The following PPARGC1A variants were observed in gnomAD, a reference collection of about 807,000 sequenced individuals.
PPARGC1A encodes the protein peroxisome proliferator-activated receptor gamma coactivator 1-alpha.
PPARGC1A carries 25 observed loss-of-function variants against 88.7 expected under a neutral mutation model. The observed-to-expected ratio is 0.28, with a 90% CI of 0.21 to 0.39. The LOEUF (loss-of-function observed/expected upper bound fraction) is 0.39. Among genes scored for constraint, PPARGC1A ranks in the 10% least tolerant of loss-of-function variants. The pLI, the probability that PPARGC1A is intolerant of heterozygous loss-of-function variation, is 1.00. For missense variants in PPARGC1A, 880 were observed against 968.7 expected (o/e 0.91, Z 1.22); for synonymous variants, 363 against 355.6 (o/e 1.02, Z -0.24).
chr4:24,079,440 C>T, the PPARGC1A span, among the ~76,000 whole-genome samples: 3 of 151,614 alleles, frequency 2.0e-5, no homozygotes, highest in South Asian at 6.2e-4. Flanking sequence ...GGACCCAGCT[C>T]ATTGTTTTCC....
At chr4:24,287,634 G>GCACACACACACACACACA in the PPARGC1A span, among the ~76,000 whole-genome samples, 10 of 142,142 alleles carry the variant, frequency 7.0e-5, no homozygotes, top group African/African-American at 1.8e-4. Context: ...AACACCACAT[G>GCACACACACACACACACA]CACACACACA....
the PPARGC1A span, among the ~76,000 whole-genome samples, chr4:23,992,380 T>C: frequency 2.0e-5 from 3 of 151,994 alleles, no homozygotes; most frequent in African/African-American, 4.8e-5. Context: ...TCTGTTTTTA[T>C]TGCATGCCAA....
At chr4:23,945,211 C>A in the PPARGC1A span, among the ~76,000 whole-genome samples, 1 of 151,886 alleles carries the variant, frequency 6.6e-6, no homozygotes, top group African/African-American at 2.4e-5. Context: ...ACAATATTTG[C>A]CATTTTAAGA....
chr4:24,091,738 C>G, the PPARGC1A span: 1 of 666,856 alleles, frequency 1.5e-6, no homozygotes. Flanking sequence ...CAGATGCCAA[C>G]TGGCCAAGCT....
At chr4:24,002,177 A>G in the PPARGC1A span, among the ~76,000 whole-genome samples, 1 of 151,864 alleles carries the variant, frequency 6.6e-6, no homozygotes, top group Non-Finnish European at 1.5e-5. Flanking sequence ...ACCAGGCTGG[A>G]GTGCAGTGGC....
Position 23,814,001 on chromosome 4 carries a change from G to A in PPARGC1A, c.1482C>T (p.Phe494=). 1 of 1,614,102 alleles carries A rather than the reference G, an allele frequency of 6.2e-7. No individual in the cohort carries two copies. Among genetic ancestry groups the A allele is most frequent in the Non-Finnish European group, 8.5e-7 (1 of 1,179,972 alleles). ...LRDSDFSNEQ[F]SKLPMFINSG... is the part of the protein sequence containing the mutation. ...AATTTATAAACATAGGTAGTTTGGA[G>A]AATTGTTCATTACTGAAATCACTGT... The change falls in exon 8 of 13, where the codon TTC becomes TTT. Residue 494 remains phenylalanine, a synonymous_variant. Transcript: ENST00000264867.
chr4:24,386,326 C>A, the PPARGC1A span, among the ~76,000 whole-genome samples: 2 of 152,038 alleles, frequency 1.3e-5, no homozygotes, highest in African/African-American at 4.8e-5. Context: ...CTTTGAAAAC[C>A]GGCACAAGAC....
At chr4:24,201,441 C>T in the PPARGC1A span, among the ~76,000 whole-genome samples, 1 of 152,190 alleles carries the variant, frequency 6.6e-6, no homozygotes, top group Non-Finnish European at 1.5e-5. Flanking sequence ...GCAGAGTCAG[C>T]CATTTTTAAA....
the PPARGC1A span, among the ~76,000 whole-genome samples, chr4:24,010,366 TCAGAAATACC>T: frequency 2.6e-5 from 4 of 152,152 alleles, no homozygotes; most frequent in Non-Finnish European, 5.9e-5. Flanking sequence ...AGGGAGTAAT[TCAGAAATACC>T]CAGAAATACA....
At chr4:24,297,831 G>A in the PPARGC1A span, among the ~76,000 whole-genome samples, 5 of 152,146 alleles carry the variant, frequency 3.3e-5, no homozygotes, top group East Asian at 1.9e-4. Context: ...TTGCTAATAC[G>A]TAACCACTCT....
At chr4:24,111,735 A>G in the PPARGC1A span, among the ~76,000 whole-genome samples, 2 of 152,230 alleles carry the variant, frequency 1.3e-5, no homozygotes, top group Admixed American at 1.3e-4. Flanking sequence ...GAGGTGGGTT[A>G]ACTCTTTCAA....
At chr4:24,449,352 C>T in the PPARGC1A span, among the ~76,000 whole-genome samples, 2 of 152,192 alleles carry the variant, frequency 1.3e-5, no homozygotes, top group African/African-American at 4.8e-5. Context: ...TCCTGTGCAA[C>T]GGGCATAGGA....
chr4:24,472,839 G>A, the PPARGC1A span, among the ~76,000 whole-genome samples: 4 of 151,952 alleles, frequency 2.6e-5, no homozygotes, highest in East Asian at 7.8e-4. The surrounding 1 kb of genome is among the most constrained non-coding windows in gnomAD (Gnocchi z 4.5). Context: ...CAGGGGAAGC[G>A]AGAGGGCGAG....
the PPARGC1A span, among the ~76,000 whole-genome samples, chr4:24,116,855 G>A: frequency 2.6e-5 from 4 of 152,210 alleles, no homozygotes; most frequent in East Asian, 3.9e-4. Flanking sequence ...AGCATTGCTC[G>A]TCGTACATTA....
chr4:24,021,704 A>C, the PPARGC1A span, among the ~76,000 whole-genome samples: 1 of 152,222 alleles, frequency 6.6e-6, no homozygotes, highest in Non-Finnish European at 1.5e-5. Flanking sequence ...TCTAAAAGGA[A>C]GCTAATAACA....
At chr4:24,171,723 T>C in the PPARGC1A span, among the ~76,000 whole-genome samples, 6 of 152,222 alleles carry the variant, frequency 3.9e-5, no homozygotes, top group African/African-American at 1.2e-4. Flanking sequence ...CCCATCCCTA[T>C]AAAAATATTA....
At chr4:24,401,185 A>G in the PPARGC1A span, among the ~76,000 whole-genome samples, 1 of 151,188 alleles carries the variant, frequency 6.6e-6, no homozygotes, top group South Asian at 2.1e-4. Context: ...CGCCCGGCTA[A>G]TTTTTTGTAT....
the PPARGC1A span, among the ~76,000 whole-genome samples, chr4:24,227,170 T>C: frequency 6.6e-6 from 1 of 151,960 alleles, no homozygotes; most frequent in Non-Finnish European, 1.5e-5. Context: ...CTGCAACCTC[T>C]GCCTCCCAGG....
the PPARGC1A span, among the ~76,000 whole-genome samples, chr4:24,227,190 T>A: frequency 6.6e-6 from 1 of 152,062 alleles, no homozygotes; most frequent in Non-Finnish European, 1.5e-5. Context: ...GTTCAAGCGA[T>A]TCTCCTGCCT....
Sources: gnomAD v4.1 joint callset for allele counts (sites outside exome capture counted in the v4.1 genomes callset) on GRCh38, gnomAD v4.1.1 for gene constraint, Gnocchi (gnomAD v3.1) non-coding constraint, MANE v1.5 for transcripts, NCBI Gene and HGNC (gene_info 2026-07-23, HGNC 2026-07-21) for gene names.